Variants in TRIM4 observed in about 807,000 individuals in gnomAD.
The protein encoded by TRIM4 is tripartite motif containing 4.
In TRIM4, 29 loss-of-function variants were observed where a neutral mutation model predicts 33.7. That is an observed-to-expected ratio of 0.86 (90% CI 0.64 to 1.17). TRIM4 has a LOEUF of 1.17. Among genes scored for constraint, TRIM4 ranks in the 50% most tolerant of loss-of-function variants. TRIM4 has a pLI of 0.00. For missense variants in TRIM4, 554 were observed against 593.7 expected (o/e 0.93, Z 0.69); for synonymous variants, 224 against 233.0 (o/e 0.96, Z 0.35).
chr7:99,909,157 TGC>T (rs1554452963), intron 2 of TRIM4, among the ~76,000 whole-genome samples: 1 of 150,836 alleles, frequency 6.6e-6, no homozygotes, highest in Admixed American at 6.6e-5. Flanking sequence ...TGTGTGTGTG[TGC>T]GTGTGTGTGT....
At chr7:99,912,598 T>G (rs1481476312) in intron 1 of TRIM4, among the ~76,000 whole-genome samples, 1 of 152,052 alleles carries the variant, frequency 6.6e-6, no homozygotes, top group Non-Finnish European at 1.5e-5. Flanking sequence ...TGAAGTATTT[T>G]GTTTGCAATT....
In TRIM4 at chr7:99,919,119, G is replaced by A. The variant is rs751017679; in HGVS notation, c.283C>T (p.Arg95Trp). 3.8e-5 allele frequency: 58 copies of A among 1,519,732 alleles called. 1 individual carries two copies. Among genetic ancestry groups the A allele is most frequent in the Non-Finnish European group, 5.0e-5 (57 of 1,133,336 alleles). 94.1% of individuals were successfully genotyped at this position (1,519,732 alleles called of 1,614,324 possible). Residue 95 changes from arginine to tryptophan, a missense_variant, in exon 1 of 6, where the codon CGG (arginine) becomes TGG (tryptophan). Transcript: ENST00000349062. ...CGCTGGTCGTCCTCGCAGAAGAGCC[G>A]CAGCGGCTCCCAGTGGCGGCCGCAC... The part of the protein sequence containing the change: ...GLCGRHWEPL[R>W]LFCEDDQRPV...
At position 99,892,409 on chromosome 7, in the gene TRIM4, A is replaced by G; in HGVS notation, c.1179T>C (p.Ile393=). ...GCCAATAGCCAGCAGCACTCCAATA[A>G]ATCGCCCAGATGCCCACATCTGGGG... ...KMSPDVGIWA[I]YWSAAGYWPL... Residue 393 remains isoleucine, a synonymous_variant, in exon 6 of 6, where the codon ATT becomes ATC. Transcript: ENST00000349062. 6.2e-7 allele frequency: 1 copy of G among 1,614,014 alleles called. No homozygotes were observed. The highest frequency in any genetic ancestry group is 8.5e-7 in the Non-Finnish European group (1 of 1,179,968).
chr7:99,901,879 C>T (rs1051735667), intron 5 of TRIM4: 3 of 530,860 alleles, frequency 5.7e-6, no homozygotes, highest in South Asian at 2.9e-5. Flanking sequence ...TCTCTGTGTC[C>T]GGCTCTCTCC....
rs144009655 is a variant in TRIM4, at chr7:99,891,666, G to A, written c.*497C>T. ...CAAAAGTGACTTAAGCCTATACTGC[G>A]GGATGTTCACACTACGTCCCTTTAG... On this transcript the variant is annotated 3_prime_UTR_variant, in exon 6 of 6. Coordinates refer to ENST00000349062, the MANE Select transcript of TRIM4 (RefSeq NM_033091.3). 2.5e-3 allele frequency: 391 copies of A among 154,142 alleles called. 1 individual carries two copies. The highest frequency in any genetic ancestry group is 4.4e-3 in the Non-Finnish European group (303 of 69,262). The allele number at this position is 154,142 out of a possible 1,614,324, so 9.5% of individuals were successfully genotyped here.
At chr7:99,913,670 CAAATAAATAAAT>C (rs57799977) in intron 1 of TRIM4, among the ~76,000 whole-genome samples, 3 of 148,546 alleles carry the variant, frequency 2.0e-5, no homozygotes, top group African/African-American at 7.4e-5. Flanking sequence ...GACTCCATCT[CAAATAAATAAAT>C]AAATAAATAA....
chr7:99,903,361 C>T (rs765362192), intron 4 of TRIM4, 46 bp from the exon 5 acceptor site: 12 of 1,474,196 alleles, frequency 8.1e-6, no homozygotes, highest in Non-Finnish European at 1.0e-5. Flanking sequence ...CTAGGGTAGC[C>T]AAGACCTCCA....
At chr7:99,918,394 C>T (rs1362682960) in intron 1 of TRIM4, among the ~76,000 whole-genome samples, 1 of 151,932 alleles carries the variant, frequency 6.6e-6, no homozygotes, top group Admixed American at 6.6e-5. Flanking sequence ...TGGTGAAACC[C>T]CTCTATACTA....
intron 1 of TRIM4, among the ~76,000 whole-genome samples, chr7:99,915,709 A>G (rs1202765371): frequency 6.6e-6 from 1 of 152,206 alleles, no homozygotes; most frequent in Non-Finnish European, 1.5e-5. Context: ...AGATGGGCGG[A>G]TATCAGGGAA....
intron 5 of TRIM4, chr7:99,902,198 T>G (rs779574778): frequency 4.3e-5 from 33 of 762,114 alleles, no homozygotes; most frequent in Admixed American, 2.0e-4. Context: ...AACAACTCGT[T>G]TATTTACTCC....
chr7:99,898,490 A>G (rs377119923), intron 5 of TRIM4, among the ~76,000 whole-genome samples: 41 of 152,322 alleles, frequency 2.7e-4, no homozygotes, highest in African/African-American at 9.4e-4. Flanking sequence ...GACGGCAACC[A>G]CAGCTGGCCT....
chr7:99,911,277 A>G (rs1219013112), intron 1 of TRIM4, among the ~76,000 whole-genome samples: 1 of 152,162 alleles, frequency 6.6e-6, no homozygotes, highest in African/African-American at 2.4e-5. Flanking sequence ...CAGTATGTAG[A>G]AAATAAAAAT....
chr7:99,895,945 T>G (rs1819007076), intron 5 of TRIM4, among the ~76,000 whole-genome samples: 1 of 151,894 alleles, frequency 6.6e-6, no homozygotes, highest in Admixed American at 6.6e-5. Flanking sequence ...AAATTGGGTC[T>G]TATTTTTTTT....
intron 5 of TRIM4, among the ~76,000 whole-genome samples, chr7:99,894,965 A>T (rs978821522): frequency 6.6e-6 from 1 of 151,830 alleles, no homozygotes; most frequent in Admixed American, 6.6e-5. Context: ...TTTTTTTCTG[A>T]TCATTTTGAT....
chr7:99,910,522 G>T (rs952513836), intron 1 of TRIM4, among the ~76,000 whole-genome samples: 1 of 152,166 alleles, frequency 6.6e-6, no homozygotes, highest in Non-Finnish European at 1.5e-5. Context: ...AAGACAATAT[G>T]TATTGTACAA....
chr7:99,917,791 A>G (rs1422530430), intron 1 of TRIM4: 11 of 982,884 alleles, frequency 1.1e-5, no homozygotes, highest in Non-Finnish European at 1.2e-5. Context: ...ATTCTGCTGG[A>G]GACCACTGGA....
chr7:99,898,780 CATTA>C (rs762555501), intron 5 of TRIM4, among the ~76,000 whole-genome samples: 2 of 152,162 alleles, frequency 1.3e-5, no homozygotes, highest in Non-Finnish European at 2.9e-5. Context: ...GGAAGCTGCA[CATTA>C]ATTAAAACCA....
chr7:99,901,363 CT>C (rs1340468685), intron 5 of TRIM4: 1 of 152,182 alleles, frequency 6.6e-6, no homozygotes, highest in Non-Finnish European at 1.5e-5. Context: ...ATTCTAACAT[CT>C]GTGTCAATTC....
rs1437517102 is a variant in TRIM4 at position 99,892,244 on chromosome 7, A to T, written c.1344T>A (p.Ser448=). The change falls in exon 6 of 6, where the codon TCT becomes TCA. Residue 448 remains serine, a synonymous_variant. Coordinates refer to ENST00000349062, the MANE Select transcript of TRIM4 (RefSeq NM_033091.3). ...DGVHLHTFSC[S]SVSRLRPFFW... is the part of the protein sequence containing the mutation. ...AAAATGGCCGGAGGCGTGAGACAGA[A>T]GAACAAGAAAAGGTGTGCAGGTGCA... 6.2e-7 allele frequency: 1 copy of T among 1,614,196 alleles called. No individual in the cohort carries two copies. Among genetic ancestry groups the T allele is most frequent in the Non-Finnish European group, 8.5e-7 (1 of 1,180,040 alleles).
Sources: allele counts gnomAD v4.1 joint callset (sites outside exome capture counted in the v4.1 genomes callset), GRCh38; gene constraint gnomAD v4.1.1; transcripts MANE v1.5; gene names NCBI Gene and HGNC (gene_info 2026-07-23, HGNC 2026-07-21).